The following PPP3CB variants were observed in gnomAD, a reference collection of about 807,000 sequenced individuals.
The protein encoded by PPP3CB is protein phosphatase 3 catalytic subunit beta, also known as serine/threonine-protein phosphatase 2B catalytic subunit beta isoform.
In PPP3CB, 8 loss-of-function variants were observed where a neutral mutation model predicts 66.4. The ratio of observed to expected loss-of-function variants is 0.12; its 90% CI spans 0.07 to 0.22. PPP3CB has a LOEUF of 0.22. PPP3CB is among the 10% of genes least tolerant of loss of function. The probability of loss-of-function intolerance (pLI) is 1.00; values close to 1 mark genes in which losing one functional copy is unlikely to be tolerated. For missense variants in PPP3CB, 319 were observed against 642.5 expected (o/e 0.50, Z 5.44); for synonymous variants, 208 against 221.2 (o/e 0.94, Z 0.53).
chr10:73,469,753 C>T (rs1395821418), intron 8 of PPP3CB, among the ~76,000 whole-genome samples: 1 of 152,194 alleles, frequency 6.6e-6, no homozygotes, highest in African/African-American at 2.4e-5. Context: ...TTTGAACTTA[C>T]ACCATGACCC....
At chr10:73,488,270 C>T (rs760391962) in intron 1 of PPP3CB, among the ~76,000 whole-genome samples, 11 of 152,008 alleles carry the variant, frequency 7.2e-5, no homozygotes, top group African/African-American at 1.7e-4. Flanking sequence ...CATGGCTGGG[C>T]GTGGTGGCTC....
intron 1 of PPP3CB, among the ~76,000 whole-genome samples, chr10:73,483,516 C>T (rs527924273): frequency 6.6e-6 from 1 of 151,994 alleles, no homozygotes; most frequent in East Asian, 1.9e-4. Flanking sequence ...ATTAGCCAGG[C>T]ATGGTGGCCG....
intron 1 of PPP3CB, among the ~76,000 whole-genome samples, chr10:73,490,769 TTCTC>T (rs577801388): frequency 7.0e-4 from 107 of 152,216 alleles, no homozygotes; most frequent in African/African-American, 2.4e-3. Context: ...CACACTCTTT[TTCTC>T]TCTCTCTTTC....
At chr10:73,482,542 CAAAAAAAAAAAAA>C (rs537336452) in intron 1 of PPP3CB, among the ~76,000 whole-genome samples, 2 of 36,748 alleles carry the variant, frequency 5.4e-5, no homozygotes, top group African/African-American at 9.5e-5. Flanking sequence ...GACTCCGTCT[CAAAAAAAAAAAAA>C]AAAAAAAAAA....
At chr10:73,485,950 G>GTGTA (rs58404946) in intron 1 of PPP3CB, among the ~76,000 whole-genome samples, 9,031 of 124,294 alleles carry the variant, frequency 0.073, 398 homozygotes, top group African/African-American at 0.1. Flanking sequence ...GTGTGTGTGT[G>GTGTA]TATTTTTTTT....
chr10:73,460,595 A>G (rs1037960696), intron 9 of PPP3CB, among the ~76,000 whole-genome samples: 4 of 152,216 alleles, frequency 2.6e-5, no homozygotes, highest in Non-Finnish European at 5.9e-5. Context: ...CTAGTGAGGG[A>G]AATGGATAGA....
At chr10:73,476,797 G>C (rs775060497) in intron 3 of PPP3CB, among the ~76,000 whole-genome samples, 1 of 152,012 alleles carries the variant, frequency 6.6e-6, no homozygotes, top group Non-Finnish European at 1.5e-5. Flanking sequence ...GTGACAATTT[G>C]GGAAAAGTTG....
intron 5 of PPP3CB, 34 bp from the exon 6 acceptor site, chr10:73,471,243 C>T (rs1267101878): frequency 2.6e-6 from 4 of 1,560,030 alleles, no homozygotes; most frequent in Middle Eastern, 1.7e-4. Context: ...ACAGAAGTAA[C>T]TCATCAAAAA....
chr10:73,453,542 C>T (rs188432035), intron 10 of PPP3CB, among the ~76,000 whole-genome samples: 60 of 152,154 alleles, frequency 3.9e-4, no homozygotes, highest in Middle Eastern at 6.8e-3. Context: ...GGATTACAGG[C>T]GTGAGCCACC....
chr10:73,491,022 GTTTTTTTTTTTTTT>G (rs528238766), intron 1 of PPP3CB, among the ~76,000 whole-genome samples: 2,372 of 40,936 alleles, frequency 0.058, 112 homozygotes, highest in African/African-American at 0.15. Flanking sequence ...TGTTTTTATT[GTTTTTTTTTTTTTT>G]TTTTTTTTTT....
intron 3 of PPP3CB, 48 bp from the exon 4 acceptor site, chr10:73,475,078 A>G: frequency 6.3e-7 from 1 of 1,587,802 alleles, no homozygotes; most frequent in Admixed American, 1.7e-5. Flanking sequence ...CTTTTGTTTA[A>G]TGAAGCTGCT....
chr10:73,444,698 G>A (rs1564547863), intron 12 of PPP3CB, 27 bp downstream of exon 12: 1 of 1,613,920 alleles, frequency 6.2e-7, no homozygotes, highest in East Asian at 2.2e-5. Context: ...TCCATCTGAG[G>A]CACAGCAAGT....
chr10:73,448,023 T>C (rs1294349754), intron 10 of PPP3CB, among the ~76,000 whole-genome samples: 1 of 152,182 alleles, frequency 6.6e-6, no homozygotes, highest in East Asian at 1.9e-4. Context: ...AAACTGAGGT[T>C]ATTAAGTGAC....
intron 12 of PPP3CB, among the ~76,000 whole-genome samples, chr10:73,442,079 T>C (rs761590666): frequency 8.5e-5 from 13 of 152,226 alleles, no homozygotes; most frequent in Non-Finnish European, 2.9e-5. Context: ...ACCTTTGTTA[T>C]TTGTTTCAAA....
At chr10:73,454,338 T>C in intron 10 of PPP3CB, 74 bp downstream of exon 10, 1 of 1,108,900 alleles carries the variant, frequency 9.0e-7, no homozygotes, top group Middle Eastern at 2.1e-4. Flanking sequence ...TGCAAAATAG[T>C]GTGTACTGAG....
chr10:73,462,949 CAAAAAAAAAAAAAAA>C (rs10569079), intron 9 of PPP3CB, among the ~76,000 whole-genome samples: 2 of 58,784 alleles, frequency 3.4e-5, no homozygotes, highest in Admixed American at 6.2e-4. Context: ...GACTCTGTCT[CAAAAAAAAAAAAAAA>C]AAAAAAAAAA....
chr10:73,464,819 T>C (rs1250517987), intron 9 of PPP3CB, among the ~76,000 whole-genome samples: 1 of 151,856 alleles, frequency 6.6e-6, no homozygotes, highest in African/African-American at 2.4e-5. Context: ...GTAATCCCAC[T>C]ACTCAGGAGG....
intron 9 of PPP3CB, among the ~76,000 whole-genome samples, chr10:73,457,749 A>AAAG (rs2056452920): frequency 6.6e-6 from 1 of 151,442 alleles, no homozygotes; most frequent in African/African-American, 2.4e-5. Context: ...AAAAAAAAAA[A>AAAG]AAAGAAAGAA....
Position 73,479,393 on chromosome 10 carries a change from C to T in PPP3CB, c.210G>A (p.Ala70=), listed in dbSNP as rs555478368. ...VKEGRVDEEI[A]LRIINEGAAI... is the part of the protein sequence containing the mutation. ...CAGCACCCTCATTGATAATTCTAAG[C>T]GCAATTTCTTCATCTACTCGACCTT... Residue 70 remains alanine, a synonymous_variant, in exon 2 of 14, where the codon GCG becomes GCA. Coordinates refer to ENST00000360663, the MANE Select transcript of PPP3CB (RefSeq NM_021132.4). The T allele has an allele frequency of 2.4e-5, 38 of 1,614,116 alleles. No individual in the cohort carries two copies. The highest frequency in any genetic ancestry group is 2.1e-4 in the South Asian group (19 of 91,084).
Sources: gnomAD v4.1 joint callset for allele counts (sites outside exome capture counted in the v4.1 genomes callset) on GRCh38, gnomAD v4.1.1 for gene constraint, MANE v1.5 for transcripts, NCBI Gene and HGNC (gene_info 2026-07-23, HGNC 2026-07-21) for gene names.